The following RRBP1 variants were observed in gnomAD, a reference collection of about 807,000 sequenced individuals.
The protein encoded by RRBP1 is ribosome-binding protein 1.
Under a neutral mutation model 165.2 loss-of-function variants are expected in RRBP1, and 94 were observed. That is an observed-to-expected ratio of 0.57 (90% confidence interval 0.48 to 0.68). The LOEUF is 0.68. RRBP1 is among the 30% of genes least tolerant of loss of function. The probability of loss-of-function intolerance (pLI) is 0.00; values close to 1 mark genes in which losing one functional copy is unlikely to be tolerated. For synonymous variants in RRBP1, 680 were observed against 714.5 expected, an observed-to-expected ratio of 0.95 and a Z score of 0.77; for missense variants, 1,676 against 1,763.0, an observed-to-expected ratio of 0.95 and a Z score of 0.88.
intron 9 of RRBP1, 25 bp downstream of exon 9, chr20:17,629,798 C>T: frequency 3.8e-6 from 6 of 1,587,354 alleles, no homozygotes; most frequent in Non-Finnish European, 4.3e-6. Flanking sequence ...CACTGAACCC[C>T]CGGCCCCACT....
intron 8 of RRBP1, among the ~76,000 whole-genome samples, chr20:17,632,437 C>T (rs112407561): frequency 4.3e-4 from 65 of 152,340 alleles, no homozygotes; most frequent in Middle Eastern, 3.4e-3. Context: ...ACTCCCTCTT[C>T]TGAGTGGGTC....
chr20:17,616,196 A>G (rs916557957), intron 21 of RRBP1, among the ~76,000 whole-genome samples, 187 bp from the exon 22 acceptor site: 1 of 152,160 alleles, frequency 6.6e-6, no homozygotes, highest in Non-Finnish European at 1.5e-5. Flanking sequence ...GGAGCAGCTG[A>G]TGGGGCCTCT....
chr20:17,633,423 T>G (rs964245959), intron 8 of RRBP1, 37 bp downstream of exon 8: 1 of 1,597,438 alleles, frequency 6.3e-7, no homozygotes, highest in African/African-American at 1.3e-5. Context: ...TGCTGGGCAG[T>G]GAACAGGGCA....
chr20:17,626,250 G>A (rs1338536181), intron 11 of RRBP1, among the ~76,000 whole-genome samples: 1 of 152,160 alleles, frequency 6.6e-6, no homozygotes, highest in Non-Finnish European at 1.5e-5. Flanking sequence ...CATTATCCTA[G>A]TAATATGCTG....
Position 17,621,523 on chromosome 20 carries a change from C to G in RRBP1, c.3349G>C (p.Ala1117Pro). ...TGCAGTGTGCTCTGCGTCTCCTCGG[C>G]CTCCCTCAACTTGGAGGCCAGGTCC... ...SSDLASKLRE[A>P]EETQSTLQAE... The change falls in exon 16 of 25, where the codon GCC becomes CCC. Residue 1117 changes from alanine (A) to proline (P), a missense_variant. By Grantham distance (27) the Ala-to-Pro change is conservative (BLOSUM62 -1). This residue lies in a region of RRBP1 where 1,184 missense variants were observed against 1,167.1 expected (regional missense o/e 1.01). Coordinates refer to ENST00000377813, the MANE Select transcript of RRBP1 (RefSeq NM_001365613.2). 4 of 1,612,868 alleles carry G rather than the reference C, an allele frequency of 2.5e-6. No homozygotes were observed. Among genetic ancestry groups the G allele is most frequent in the Non-Finnish European group, 2.5e-6 (3 of 1,179,888 alleles).
At chr20:17,616,058 C>A in intron 21 of RRBP1, 49 bp from the exon 22 acceptor site, 7 of 1,501,086 alleles carry the variant, frequency 4.7e-6, no homozygotes, top group Non-Finnish European at 6.4e-6. Flanking sequence ...AGGAACCCTC[C>A]AGGGGCCCAG....
At chr20:17,672,726 T>C (rs961911913) in intron 2 of RRBP1, among the ~76,000 whole-genome samples, 2 of 152,176 alleles carry the variant, frequency 1.3e-5, no homozygotes, top group Admixed American at 1.3e-4. Context: ...GCGGCATTAA[T>C]AGCCCCAAAC....
intron 21 of RRBP1, among the ~76,000 whole-genome samples, chr20:17,616,216 G>A (rs750917712): frequency 6.6e-6 from 1 of 152,140 alleles, no homozygotes; most frequent in Non-Finnish European, 1.5e-5. Flanking sequence ...TGCAACCTCA[G>A]GGGCCTTTAA....
At position 17,613,944 on chromosome 20, in the gene RRBP1, G is replaced by T. The variant is rs1232943680; in HGVS notation, c.*238C>A. 3.9e-6 allele frequency: 2 copies of T among 509,448 alleles called. No individual in the cohort carries two copies. The highest frequency in any genetic ancestry group is 7.0e-6 in the Non-Finnish European group (2 of 284,654). The allele number at this position is 509,448 out of a possible 1,614,324, so 31.6% of individuals were successfully genotyped here. ...AACCAGGGCTTTGGCGTCACTCGGC[G>T]GTGGCCCGGGGCTGCGCCCAGGATA... On this transcript the variant is annotated 3_prime_UTR_variant, in exon 25 of 25. Coordinates refer to ENST00000377813, the MANE Select transcript of RRBP1 (RefSeq NM_001365613.2).
chr20:17,666,867 A>ACTGCT (rs1477531056), intron 2 of RRBP1, among the ~76,000 whole-genome samples: 2,752 of 17,108 alleles, frequency 0.16, 89 homozygotes, highest in African/African-American at 0.21. Flanking sequence ...GATTTTACCA[A>ACTGCT]TTGCAGTTGA....
At chr20:17,681,101 C>A (rs1206454760) in intron 1 of RRBP1, among the ~76,000 whole-genome samples, 1 of 151,682 alleles carries the variant, frequency 6.6e-6, no homozygotes, top group East Asian at 2.0e-4. Context: ...CCGGCCGGGC[C>A]GGGGCGGGCA....
intron 2 of RRBP1, among the ~76,000 whole-genome samples, chr20:17,661,033 C>G (rs2036757071): frequency 6.6e-6 from 1 of 151,988 alleles, no homozygotes; most frequent in African/African-American, 2.4e-5. Context: ...AGGCCAGACA[C>G]TTTTAAAAAA....
chr20:17,616,270 A>G (rs1372191683), intron 21 of RRBP1, among the ~76,000 whole-genome samples: 1 of 152,000 alleles, frequency 6.6e-6, no homozygotes, highest in Non-Finnish European at 1.5e-5. Flanking sequence ...CCCTGGCCCC[A>G]TGACAACCCC....
At position 17,636,687 on chromosome 20, in the gene RRBP1, T is replaced by C. The variant is rs777063401; in HGVS notation, c.2227A>G (p.Lys743Glu). The change falls in exon 6 of 25, where the codon AAA becomes GAA. Residue 743 changes from lysine to glutamate, a missense_variant. This residue lies in a region of RRBP1 where 1,184 missense variants were observed against 1,167.1 expected (regional missense o/e 1.01). Coordinates refer to ENST00000377813, the MANE Select transcript of RRBP1 (RefSeq NM_001365613.2). ...EKAKAAAGEA[K>E]VKKQLVAREQ... ...CGGGCCACCAGCTGCTTTTTCACTT[T>C]GGCCTCCCCGGCTGCTGCTTTGGCC... 8 of 1,613,228 alleles carry C rather than the reference T, an allele frequency of 5.0e-6. No homozygotes were observed. In the African/African-American group the frequency reaches 1.1e-4, roughly 22 times the overall value.
At chr20:17,663,432 T>C (rs1232425084) in intron 2 of RRBP1, among the ~76,000 whole-genome samples, 6 of 152,248 alleles carry the variant, frequency 3.9e-5, no homozygotes, top group Non-Finnish European at 7.3e-5. Context: ...ATATGTTTTA[T>C]AGCAGCACAA....
chr20:17,650,735 A>G (rs2036541253), intron 3 of RRBP1, among the ~76,000 whole-genome samples: 2 of 152,222 alleles, frequency 1.3e-5, no homozygotes, highest in African/African-American at 4.8e-5. Flanking sequence ...GTCTACGCCC[A>G]CACTGTAGGA....
intron 8 of RRBP1, 65 bp from the exon 9 acceptor site, chr20:17,630,026 G>A (rs367690322): frequency 2.4e-5 from 36 of 1,527,424 alleles, no homozygotes; most frequent in Non-Finnish European, 2.9e-5. Flanking sequence ...GCGGCTCTGC[G>A]GTGGAGGCGG....
chr20:17,647,463 C>CA (rs2036484344), intron 3 of RRBP1, among the ~76,000 whole-genome samples: 1 of 152,206 alleles, frequency 6.6e-6, no homozygotes, highest in Non-Finnish European at 1.5e-5. Flanking sequence ...ATTCTGTAGG[C>CA]AACAAGCGAT....
chr20:17,652,927 A>G (rs1358205732), intron 3 of RRBP1, among the ~76,000 whole-genome samples: 7 of 152,372 alleles, frequency 4.6e-5, no homozygotes, highest in Non-Finnish European at 5.9e-5. Context: ...TCCACAAGCC[A>G]CTGGTGAAAA....
Sources: gnomAD v4.1 joint callset for allele counts (sites outside exome capture counted in the v4.1 genomes callset) on GRCh38, gnomAD v4.1.1 for gene constraint, gnomAD v4.1.1 regional missense constraint, MANE v1.5 for transcripts, NCBI Gene and HGNC (gene_info 2026-07-23, HGNC 2026-07-21) for gene names.